GRIN2B: variants seen among roughly 807,000 people sequenced by gnomAD.
GRIN2B encodes the protein glutamate ionotropic receptor NMDA type subunit 2B.
A neutral mutation model predicts 114.5 loss-of-function variants in GRIN2B; 5 were observed. The observed-to-expected ratio is 0.04, with a 90% CI of 0.02 to 0.09. The LOEUF is 0.09. Ranked by LOEUF, GRIN2B falls within the 10% of genes least tolerant of loss-of-function variation. The pLI, the probability that GRIN2B is intolerant of heterozygous loss-of-function variation, is 1.00. For synonymous variants in GRIN2B, 787 were observed against 745.1 expected (o/e 1.06, Z -0.92); for missense variants, 1,108 against 1,943.5 (o/e 0.57, Z 8.08).
intron 2 of GRIN2B, among the ~76,000 whole-genome samples, chr12:13,945,190 C>T (rs770381702): frequency 1.1e-4 from 17 of 152,156 alleles, no homozygotes; most frequent in Non-Finnish European, 2.1e-4. Flanking sequence ...ACAAAGCAAA[C>T]ACACAGGCCC....
intron 5 of GRIN2B, among the ~76,000 whole-genome samples, chr12:13,645,435 A>G (rs1160255474): frequency 6.6e-6 from 1 of 152,102 alleles, no homozygotes; most frequent in Non-Finnish European, 1.5e-5. Flanking sequence ...TATAATAATA[A>G]TGAAAAAGTT....
chr12:13,653,468 C>A (rs556528907), intron 5 of GRIN2B, among the ~76,000 whole-genome samples: 22 of 149,484 alleles, frequency 1.5e-4, no homozygotes, highest in Non-Finnish European at 2.4e-4. Context: ...ATGAGAAGAT[C>A]AAAAACGGTA....
chr12:13,682,486 A>C (rs4764026), intron 4 of GRIN2B, among the ~76,000 whole-genome samples: 43,802 of 152,044 alleles, frequency 0.29, 6,448 homozygotes, highest in Middle Eastern at 0.35. Context: ...ATTTTCTCTG[A>C]AATGGTGTTT....
chr12:13,856,246 T>G (rs1865658518), intron 3 of GRIN2B, among the ~76,000 whole-genome samples: 1 of 152,110 alleles, frequency 6.6e-6, no homozygotes, highest in Non-Finnish European at 1.5e-5. Context: ...GTAAATAATT[T>G]AGTGTGGCTT....
rs185510555 is a variant in GRIN2B at position 13,827,174 on chromosome 12, C to G, written c.411+38624G>C. 2.3e-4 allele frequency among the ~76,000 whole-genome samples: 30 copies of G among 128,506 alleles called. No individual in the cohort carries two copies. In the East Asian group the frequency reaches 3.0e-3, roughly 13 times the overall value. The allele number at this position is 128,506 out of a possible 152,430, so 84.3% of individuals were successfully genotyped here. ...CCCTCTGGCTGTTTTAAATATTTTT[C>G]TCTTTATTGCTAGTTTTCAGCAATT... On this transcript the variant is annotated intron_variant, in intron 3 of 13. Coordinates refer to ENST00000609686, the MANE Select transcript of GRIN2B (RefSeq NM_000834.5).
intron 3 of GRIN2B, among the ~76,000 whole-genome samples, chr12:13,796,120 T>C (rs115980150): frequency 0.01 from 1,558 of 149,772 alleles, 35 homozygotes; most frequent in African/African-American, 0.037. Context: ...CAGTGTATGG[T>C]ATGCAATAAG....
chr12:13,563,166 T>C lies in GRIN2B; in HGVS notation c.4072A>G (p.Thr1358Ala). 7 of 1,614,198 alleles carry C rather than the reference T, an allele frequency of 4.3e-6. No homozygotes were observed. The highest frequency in any genetic ancestry group is 5.9e-6 in the Non-Finnish European group (7 of 1,180,042). Reference sequence around the variant, plus strand: ...TTGTTGTGGTGGTGATGTCCGGCAGTGGGCACTGAGGACTTGTTGTTGGCA... The same window carrying C: ...TTGTTGTGGTGGTGATGTCCGGCAGCGGGCACTGAGGACTTGTTGTTGGCA... The part of the protein sequence containing the change: ...TFANNKSSVP[T>A]AGHHHHNNPG... The change falls in exon 14 of 14, where the codon ACT (threonine) becomes GCT (alanine). Residue 1358 changes from threonine to alanine, a missense_variant. By Grantham distance (58) the Thr-to-Ala change is moderately conservative. Coordinates refer to ENST00000609686, the MANE Select transcript of GRIN2B (RefSeq NM_000834.5).
chr12:13,794,513 C>T (rs903675105), intron 3 of GRIN2B, among the ~76,000 whole-genome samples: 1 of 152,174 alleles, frequency 6.6e-6, no homozygotes, highest in Admixed American at 6.5e-5. Context: ...AACCTCCCCC[C>T]CGGACCCGAA....
At chr12:13,571,777 G>C (rs751453119) in intron 11 of GRIN2B, 27 bp downstream of exon 11, 1 of 1,611,624 alleles carries the variant, frequency 6.2e-7, no homozygotes, top group Non-Finnish European at 8.5e-7. Context: ...ACAGATCAAG[G>C]ACTCTGAGCT....
At chr12:13,715,037 A>G (rs985476740) in intron 4 of GRIN2B, among the ~76,000 whole-genome samples, 1 of 151,848 alleles carries the variant, frequency 6.6e-6, no homozygotes, top group African/African-American at 2.4e-5. Flanking sequence ...TTCTTAGCGC[A>G]TTGCTGGAGT....
At chr12:13,702,867 G>C (rs994193722) in intron 4 of GRIN2B, among the ~76,000 whole-genome samples, 1 of 152,156 alleles carries the variant, frequency 6.6e-6, no homozygotes. Context: ...AGTCAGACTA[G>C]GAAGAAATAA....
intron 4 of GRIN2B, among the ~76,000 whole-genome samples, chr12:13,732,518 G>A (rs1202682023): frequency 6.6e-6 from 1 of 152,158 alleles, no homozygotes; most frequent in Non-Finnish European, 1.5e-5. Flanking sequence ...ATGTATCAAG[G>A]CTGTAACTTC....
intron 9 of GRIN2B, among the ~76,000 whole-genome samples, chr12:13,610,446 A>T (rs1475322341): frequency 1.3e-5 from 2 of 152,148 alleles, no homozygotes; most frequent in South Asian, 2.1e-4. Context: ...GTATATACTC[A>T]TGTGATTCCC....
chr12:13,564,229 G>A lies in GRIN2B; in HGVS notation c.3009C>T (p.Leu1003=). 6.2e-7 allele frequency: 1 copy of A among 1,614,222 alleles called. No individual in the cohort carries two copies. Among genetic ancestry groups the A allele is most frequent in the Non-Finnish European group, 8.5e-7 (1 of 1,180,042 alleles). ...TGAAGGGTGGGTTGTCACAGTCGTA[G>A]AGCCCATCGATGGAGCTGGCACTGC... is the stretch of plus-strand genomic sequence containing the variant. The part of the protein sequence containing the change: ...SIGSASSIDG[L]YDCDNPPFTT... The change falls in exon 14 of 14, where the codon CTC becomes CTT. Residue 1003 remains leucine, a synonymous_variant. Coordinates refer to ENST00000609686, the MANE Select transcript of GRIN2B (RefSeq NM_000834.5). The surrounding 1 kb of genome is among the most constrained non-coding windows in gnomAD (Gnocchi z 4.8).
At chr12:13,807,365 G>T (rs532364392) in intron 3 of GRIN2B, among the ~76,000 whole-genome samples, 1 of 152,102 alleles carries the variant, frequency 6.6e-6, no homozygotes, top group Non-Finnish European at 1.5e-5. Context: ...ATATAAGAGG[G>T]CCTAGAAAAA....
chr12:13,806,023 C>A (rs1040595150), intron 3 of GRIN2B, among the ~76,000 whole-genome samples: 2 of 152,124 alleles, frequency 1.3e-5, no homozygotes, highest in African/African-American at 4.8e-5. Context: ...GCAAAATGTC[C>A]TCCAGATTCA....
chr12:13,975,047 G>A (rs576161741), intron 2 of GRIN2B, among the ~76,000 whole-genome samples: 2 of 152,266 alleles, frequency 1.3e-5, no homozygotes, highest in South Asian at 4.1e-4. Flanking sequence ...AGTGAAAGAA[G>A]AGAGGAGATG....
Position 13,546,611 on chromosome 12 carries a change from A to G in GRIN2B, c.*16172T>C, listed in dbSNP as rs2136383543. ...TTTTTGTCTGCTTGTCACTGAATCT[A>G]TTTCCCATTCAACCTTCTGTTTCTC... On this transcript the variant is annotated 3_prime_UTR_variant, in exon 14 of 14. Transcript: ENST00000609686. 6.6e-6 allele frequency: 1 copy of G among 152,082 alleles called. No individual in the cohort carries two copies. The highest frequency in any genetic ancestry group is 2.1e-4 in the South Asian group (1 of 4,814). 9.4% of individuals were successfully genotyped at this position (152,082 alleles called of 1,614,324 possible). A position where few individuals can be genotyped will look rare whatever the true frequency, so the allele number is the denominator to read the frequency against.
At chr12:13,757,797 T>C (rs992868203) in intron 3 of GRIN2B, among the ~76,000 whole-genome samples, 3 of 152,178 alleles carry the variant, frequency 2.0e-5, no homozygotes, top group Admixed American at 2.0e-4. Flanking sequence ...CCCCATCATT[T>C]TGATGTTTGT....
Sources: allele counts gnomAD v4.1 joint callset (sites outside exome capture counted in the v4.1 genomes callset), GRCh38; gene constraint gnomAD v4.1.1; non-coding constraint Gnocchi (gnomAD v3.1); transcripts MANE v1.5; gene names NCBI Gene and HGNC (gene_info 2026-07-23, HGNC 2026-07-21).